Variants in LPAR1 observed in about 807,000 individuals in gnomAD.
LPAR1 encodes LPA receptor 1.
Under a neutral mutation model 23.8 loss-of-function variants are expected in LPAR1, and 5 were observed. That is an observed-to-expected ratio of 0.21 (90% CI 0.11 to 0.44). LPAR1 has a LOEUF of 0.44. LPAR1 is among the 20% of genes least tolerant of loss of function. The pLI is 0.99. For missense variants in LPAR1, 311 were observed against 482.8 expected, an observed-to-expected ratio of 0.64 and a Z score of 3.33; for synonymous variants, 160 against 164.7, an observed-to-expected ratio of 0.97 and a Z score of 0.22.
intron 2 of LPAR1, among the ~76,000 whole-genome samples, chr9:110,997,426 G>C (rs959200002): frequency 6.6e-6 from 1 of 152,170 alleles, no homozygotes; most frequent in East Asian, 1.9e-4. Context: ...TATTGAGAGA[G>C]AGAGATGTTA....
intron 2 of LPAR1, among the ~76,000 whole-genome samples, chr9:110,980,046 A>G (rs1409554129): frequency 6.6e-6 from 1 of 152,224 alleles, no homozygotes; most frequent in East Asian, 1.9e-4. Context: ...AGAATTCTAC[A>G]TGGCTCAGGT....
At chr9:110,887,886 CACAAT>C (rs1422526945) in intron 5 of LPAR1, among the ~76,000 whole-genome samples, 4 of 152,148 alleles carry the variant, frequency 2.6e-5, no homozygotes, top group African/African-American at 7.2e-5. Context: ...TATATTTACA[CACAAT>C]ACAATTATGC....
chr9:111,024,918 A>G (rs930166978), intron 2 of LPAR1, among the ~76,000 whole-genome samples: 2 of 152,120 alleles, frequency 1.3e-5, no homozygotes, highest in African/African-American at 4.8e-5. Flanking sequence ...CACAGTGTAT[A>G]TGTGCCACAT....
intron 5 of LPAR1, among the ~76,000 whole-genome samples, chr9:110,890,753 G>T (rs2083885425): frequency 6.6e-6 from 1 of 152,142 alleles, no homozygotes; most frequent in South Asian, 2.1e-4. Flanking sequence ...AGAATGCTAT[G>T]ATCCAACCAA....
intron 4 of LPAR1, among the ~76,000 whole-genome samples, chr9:110,971,057 C>T (rs999831226): frequency 6.6e-6 from 1 of 152,152 alleles, no homozygotes; most frequent in African/African-American, 2.4e-5. Context: ...ATCGCTTGAA[C>T]CCAGGAGGTG....
At chr9:110,912,973 T>G (rs549963917) in intron 5 of LPAR1, among the ~76,000 whole-genome samples, 1 of 152,248 alleles carries the variant, frequency 6.6e-6, no homozygotes, top group East Asian at 1.9e-4. Flanking sequence ...ACGAACAAGG[T>G]TGGGAGGTTA....
intron 5 of LPAR1, among the ~76,000 whole-genome samples, chr9:110,882,230 C>T (rs542346111): frequency 1.3e-5 from 2 of 152,214 alleles, no homozygotes; most frequent in South Asian, 2.1e-4. Flanking sequence ...TTTATCTTCC[C>T]TCAACAAGAA....
chr9:110,973,706 C>T (rs2096486833), intron 2 of LPAR1, 148 bp from the exon 3 acceptor site: 2 of 152,148 alleles, frequency 1.3e-5, no homozygotes, highest in South Asian at 2.1e-4. Context: ...TAAATCACAG[C>T]CCTAGTTCTG....
chr9:110,941,080 C>T lies in LPAR1; in HGVS notation c.793+341G>A, dbSNP rs1472191008. ...CTGAAAATATGTAATACAGAAACCA[C>T]AATGCAAAAGTTTCACAATTTAGGC... is the stretch of plus-strand genomic sequence containing the variant. On this transcript the variant is annotated intron_variant, in intron 5 of 5. Transcript: ENST00000683809. This position sits in a 1 kb window ranked among gnomAD's most constrained non-coding sequence, Gnocchi z 6.1. Among the ~76,000 whole-genome samples, 1 of 152,098 alleles carries T rather than the reference C, an allele frequency of 6.6e-6. No individual in the cohort carries two copies. Among genetic ancestry groups the T allele is most frequent in the African/African-American group, 2.4e-5 (1 of 41,408 alleles).
At chr9:110,923,618 G>C (rs185929078) in intron 5 of LPAR1, among the ~76,000 whole-genome samples, 10 of 152,208 alleles carry the variant, frequency 6.6e-5, no homozygotes, top group African/African-American at 2.4e-4. Context: ...TGGATTTATG[G>C]AGATGTAACC....
chr9:110,976,623 A>C (rs571859022), intron 2 of LPAR1, among the ~76,000 whole-genome samples: 1 of 152,304 alleles, frequency 6.6e-6, no homozygotes, highest in Admixed American at 6.5e-5. Flanking sequence ...TAGCCACAGA[A>C]AACCATGAAG....
chr9:110,903,882 C>CAAAAAAAAAAA (rs61456167), intron 5 of LPAR1, among the ~76,000 whole-genome samples: 1 of 77,228 alleles, frequency 1.3e-5, no homozygotes, highest in Admixed American at 1.3e-4. Flanking sequence ...AAGTGAATTG[C>CAAAAAAAAAAA]AAAAAAAAAA....
intron 2 of LPAR1, among the ~76,000 whole-genome samples, chr9:111,008,791 GC>G (rs1234090771): frequency 3.3e-5 from 5 of 152,124 alleles, no homozygotes; most frequent in Non-Finnish European, 7.4e-5. Flanking sequence ...AAAACCTCAA[GC>G]TAATAATTCA....
intron 2 of LPAR1, among the ~76,000 whole-genome samples, chr9:110,994,184 T>C (rs10980684): frequency 0.32 from 48,024 of 151,980 alleles, 7,658 homozygotes; most frequent in Admixed American, 0.34. Flanking sequence ...GCCAAAAGTT[T>C]GAAATCTGAA....
At chr9:111,015,259 G>A (rs1329478411) in intron 2 of LPAR1, among the ~76,000 whole-genome samples, 1 of 152,078 alleles carries the variant, frequency 6.6e-6, no homozygotes, top group African/African-American at 2.4e-5. Flanking sequence ...CCATGTCCTT[G>A]TTACTCTCTC....
intron 4 of LPAR1, among the ~76,000 whole-genome samples, chr9:110,967,654 T>C (rs1024694445): frequency 6.6e-6 from 1 of 152,182 alleles, no homozygotes; most frequent in African/African-American, 2.4e-5. Context: ...GGTGACTGAG[T>C]GAGCTGCTTA....
chr9:110,892,822 AAGGAAGGCAGGCAGGCAGGCAGGC>A (rs1452283352), intron 5 of LPAR1, among the ~76,000 whole-genome samples: 11 of 86,258 alleles, frequency 1.3e-4, no homozygotes, highest in Non-Finnish European at 1.1e-4. Context: ...GGAAGGAAGG[AAGGAAGGCAGGCAGGCAGGCAGGC>A]AGGCAGGCAG....
chr9:111,001,509 G>GA (rs201026284), intron 2 of LPAR1, among the ~76,000 whole-genome samples: 48 of 150,222 alleles, frequency 3.2e-4, no homozygotes, highest in Non-Finnish European at 6.4e-4. Context: ...AAAGGGACTG[G>GA]AAAAAAAAAT....
intron 2 of LPAR1, among the ~76,000 whole-genome samples, chr9:110,983,166 T>C (rs2096709397): frequency 6.6e-6 from 1 of 151,956 alleles, no homozygotes; most frequent in South Asian, 2.1e-4. Flanking sequence ...TGGGTATATA[T>C]CCAAAATAAC....
Sources: allele counts gnomAD v4.1 joint callset (sites outside exome capture counted in the v4.1 genomes callset), GRCh38; gene constraint gnomAD v4.1.1; non-coding constraint Gnocchi (gnomAD v3.1); transcripts MANE v1.5; gene names NCBI Gene and HGNC (gene_info 2026-07-23, HGNC 2026-07-21).